SDK1: variants seen among roughly 807,000 people sequenced by gnomAD.
The protein encoded by SDK1 is protein sidekick-1.
SDK1 carries 157 observed loss-of-function variants against 245.5 expected under a neutral mutation model. The observed-to-expected ratio is 0.64, with a 90% CI of 0.56 to 0.73. SDK1 has a LOEUF of 0.73. Among genes scored for constraint, SDK1 ranks in the 30% least tolerant of loss-of-function variants. SDK1 has a pLI of 0.00. For missense variants in SDK1, 3,583 were observed against 3,002.3 expected (o/e 1.19, Z -4.52); for synonymous variants, 1,647 against 1,278.5 (o/e 1.29, Z -6.15).
intron 5 of SDK1, among the ~76,000 whole-genome samples, chr7:3,839,467 A>G (rs1296782253): frequency 6.6e-6 from 1 of 152,228 alleles, no homozygotes; most frequent in African/African-American, 2.4e-5. Context: ...GACGATGGGC[A>G]TAACAGAATG....
intron 1 of SDK1, among the ~76,000 whole-genome samples, chr7:3,351,844 G>T (rs1285521050): frequency 6.6e-6 from 1 of 152,064 alleles, no homozygotes; most frequent in Non-Finnish European, 1.5e-5. Flanking sequence ...AGAAATCTTA[G>T]GATATGGAAG....
At chr7:3,850,300 C>T (rs1780387431) in intron 5 of SDK1, among the ~76,000 whole-genome samples, 1 of 152,200 alleles carries the variant, frequency 6.6e-6, no homozygotes, top group African/African-American at 2.4e-5. Flanking sequence ...ATTTAAAGTA[C>T]TAAGTAAATA....
At chr7:3,814,787 C>G (rs1424569988) in intron 4 of SDK1, among the ~76,000 whole-genome samples, 2 of 149,386 alleles carry the variant, frequency 1.3e-5, no homozygotes, top group Non-Finnish European at 3.0e-5. Context: ...CTTTTATTTC[C>G]TTGAGCAGTG....
intron 4 of SDK1, among the ~76,000 whole-genome samples, chr7:3,816,642 T>C: frequency 6.6e-6 from 1 of 152,066 alleles, no homozygotes. Context: ...ACCAGATGGA[T>C]TCACAGCCGA....
chr7:3,459,067 T>G (rs1341278125), intron 1 of SDK1, among the ~76,000 whole-genome samples: 1 of 152,184 alleles, frequency 6.6e-6, no homozygotes, highest in Non-Finnish European at 1.5e-5. Context: ...TCGAATGAGA[T>G]TGCATTAAAT....
chr7:3,322,808 C>T (rs1008199145), intron 1 of SDK1, among the ~76,000 whole-genome samples: 1 of 152,072 alleles, frequency 6.6e-6, no homozygotes, highest in Non-Finnish European at 1.5e-5. Flanking sequence ...TCCCCACCTG[C>T]CCTTTTCCCC....
At chr7:4,085,201 C>G (rs915926640) in intron 22 of SDK1, among the ~76,000 whole-genome samples, 17 of 152,146 alleles carry the variant, frequency 1.1e-4, no homozygotes, top group African/African-American at 4.1e-4. Flanking sequence ...GTGTATCTTA[C>G]TTATATGAAA....
chr7:3,891,653 C>G (rs1173511752), intron 5 of SDK1, among the ~76,000 whole-genome samples: 1 of 152,098 alleles, frequency 6.6e-6, no homozygotes, highest in Non-Finnish European at 1.5e-5. Context: ...TCCAACAGGC[C>G]AAATTCTGGG....
At position 4,141,711 on chromosome 7, in the gene SDK1, G is replaced by A. The variant is rs145476703; in HGVS notation, c.4229-4011G>A. On this transcript the variant is annotated intron_variant, in intron 28 of 44. Coordinates refer to ENST00000404826, the MANE Select transcript of SDK1 (RefSeq NM_152744.4). ...TCGTCTGTCGGGGCCAGGCCTCCAA[G>A]CATCTTCCACACAGGGCTTTCTCTT... Among the ~76,000 whole-genome samples the A allele has an allele frequency of 3.6e-3, 541 of 152,334 alleles. 7 individuals are homozygous for A. Among genetic ancestry groups the A allele is most frequent in the African/African-American group, 0.012 (502 of 41,578 alleles).
At chr7:4,192,503 C>CTGAACTCG (rs1783268436) in intron 35 of SDK1, among the ~76,000 whole-genome samples, 1 of 152,130 alleles carries the variant, frequency 6.6e-6, no homozygotes, top group East Asian at 1.9e-4. Flanking sequence ...TCTCGATCTC[C>CTGAACTCG]TGAACTCGTG....
intron 1 of SDK1, among the ~76,000 whole-genome samples, chr7:3,550,974 G>C (rs1779384565): frequency 6.6e-6 from 1 of 152,198 alleles, no homozygotes; most frequent in African/African-American, 2.4e-5. Flanking sequence ...GGTTTACACA[G>C]AATGTATAGC....
At chr7:3,396,394 G>T (rs941304223) in intron 1 of SDK1, among the ~76,000 whole-genome samples, 1 of 151,772 alleles carries the variant, frequency 6.6e-6, no homozygotes, top group African/African-American at 2.4e-5. Flanking sequence ...TTAGATGTGT[G>T]TTAAGGTAAG....
At chr7:4,009,024 G>C (rs1785721373) in intron 14 of SDK1, among the ~76,000 whole-genome samples, 1 of 152,208 alleles carries the variant, frequency 6.6e-6, no homozygotes, top group Admixed American at 6.5e-5. Flanking sequence ...ACCGCGAAAT[G>C]GGGCGGAATT....
chr7:3,767,641 A>G (rs530427821), intron 4 of SDK1, among the ~76,000 whole-genome samples: 3 of 152,290 alleles, frequency 2.0e-5, no homozygotes, highest in South Asian at 2.1e-4. Flanking sequence ...TATCCTTCTC[A>G]TCACTTTACA....
rs540016796 is a variant in SDK1 at position 3,503,429 on chromosome 7, C to G, written c.299-115651C>G. On this transcript the variant is annotated intron_variant, in intron 1 of 44. Transcript: ENST00000404826. ...GTGTGGTGGCTCATGCCCATAATCT[C>G]AACAAGTTTTGAGGCCAAGCAGGAG... 3.2e-4 allele frequency among the ~76,000 whole-genome samples: 49 copies of G among 151,968 alleles called. No homozygotes were observed. The South Asian group carries it at 7.9e-3, about 25-fold the overall frequency.
intron 30 of SDK1, among the ~76,000 whole-genome samples, chr7:4,150,779 G>T (rs929280622): frequency 6.6e-6 from 1 of 152,208 alleles, no homozygotes; most frequent in African/African-American, 2.4e-5. Flanking sequence ...GGTCCTAGAT[G>T]TGACAACAGG....
intron 14 of SDK1, among the ~76,000 whole-genome samples, chr7:4,005,293 C>T (rs142206214): frequency 0.012 from 1,849 of 151,928 alleles, 19 homozygotes; most frequent in Non-Finnish European, 0.02. Context: ...GATCCACCTG[C>T]CTCGGCCTCC....
intron 5 of SDK1, among the ~76,000 whole-genome samples, chr7:3,859,218 G>A (rs1318645622): frequency 6.6e-6 from 1 of 152,132 alleles, no homozygotes; most frequent in African/African-American, 2.4e-5. Context: ...GGGCTCGGCA[G>A]GTGATGGTTG....
At position 3,379,669 on chromosome 7, in the gene SDK1, A is replaced by G. The variant is rs576714068; in HGVS notation, c.298+77785A>G. Reference sequence around the variant, plus strand: ...TTGATCCAAGTAACCTCAGAGAATAATGACGTGGGAGCATTTTACAATGCA... The same window carrying G: ...TTGATCCAAGTAACCTCAGAGAATAGTGACGTGGGAGCATTTTACAATGCA... On this transcript the variant is annotated intron_variant, in intron 1 of 44. Transcript: ENST00000404826. Among the ~76,000 whole-genome samples the G allele has an allele frequency of 4.3e-4, 66 of 152,336 alleles. 1 individual carries two copies. Among genetic ancestry groups the G allele is most frequent in the Admixed American group, 1.6e-3 (25 of 15,308 alleles).
Sources: gnomAD v4.1 joint callset for allele counts (sites outside exome capture counted in the v4.1 genomes callset) on GRCh38, gnomAD v4.1.1 for gene constraint, MANE v1.5 for transcripts, NCBI Gene and HGNC (gene_info 2026-07-23, HGNC 2026-07-21) for gene names.